ROR1: variants seen among roughly 807,000 people sequenced by gnomAD.
ROR1 encodes the protein inactive tyrosine-protein kinase transmembrane receptor ROR1.
Under a neutral mutation model 78.8 loss-of-function variants are expected in ROR1, and 19 were observed. That is an observed-to-expected ratio of 0.24 (90% CI 0.17 to 0.35). ROR1 has a LOEUF of 0.35. ROR1 is among the 10% of genes least tolerant of loss of function. ROR1 has a pLI of 1.00. For missense variants in ROR1, 917 were observed against 1,177.8 expected, an observed-to-expected ratio of 0.78 and a Z score of 3.24; for synonymous variants, 386 against 433.6, an observed-to-expected ratio of 0.89 and a Z score of 1.36.
At chr1:63,964,906 G>C (rs1646061058) in intron 1 of ROR1, among the ~76,000 whole-genome samples, 1 of 152,176 alleles carries the variant, frequency 6.6e-6, no homozygotes, top group African/African-American at 2.4e-5. Context: ...TTTCTAAGCT[G>C]GGCCTTAAGA....
chr1:64,162,495 G>A (rs1022486177), intron 8 of ROR1, among the ~76,000 whole-genome samples: 2 of 152,190 alleles, frequency 1.3e-5, no homozygotes, highest in Non-Finnish European at 2.9e-5. Flanking sequence ...GGAAGCCAGT[G>A]GACCAGAGAG....
At chr1:63,824,598 A>G (rs1439706054) in intron 1 of ROR1, among the ~76,000 whole-genome samples, 1 of 152,186 alleles carries the variant, frequency 6.6e-6, no homozygotes, top group Non-Finnish European at 1.5e-5. Context: ...CAAATTTGCT[A>G]CAAACAACCC....
At chr1:63,783,187 G>A (rs1346652531) in intron 1 of ROR1, among the ~76,000 whole-genome samples, 1 of 152,122 alleles carries the variant, frequency 6.6e-6, no homozygotes, top group Non-Finnish European at 1.5e-5. Flanking sequence ...GAAGCCTGTT[G>A]TGTTTTTAGC....
chr1:63,922,396 A>G (rs998918792), intron 1 of ROR1, among the ~76,000 whole-genome samples: 2 of 152,128 alleles, frequency 1.3e-5, no homozygotes, highest in African/African-American at 4.8e-5. Flanking sequence ...AAAACACGTG[A>G]TTCTCTCCTT....
intron 2 of ROR1, among the ~76,000 whole-genome samples, chr1:64,010,734 A>G (rs1310399362): frequency 1.3e-5 from 2 of 152,178 alleles, no homozygotes; most frequent in African/African-American, 2.4e-5. Context: ...TAATTGAATC[A>G]TGAGGGTGGT....
chr1:64,156,906 G>A (rs1234807020), intron 7 of ROR1, among the ~76,000 whole-genome samples: 2 of 152,074 alleles, frequency 1.3e-5, no homozygotes, highest in Non-Finnish European at 2.9e-5. Context: ...CAAAAAGCAA[G>A]ACCGACGATG....
At chr1:63,910,049 T>A (rs7556316) in intron 1 of ROR1, among the ~76,000 whole-genome samples, 22,512 of 152,208 alleles carry the variant, frequency 0.15, 2,171 homozygotes, top group African/African-American at 0.26. Flanking sequence ...GCACTTAATC[T>A]ATTATATAAT....
chr1:63,921,114 T>C (rs1457854647), intron 1 of ROR1, among the ~76,000 whole-genome samples: 16 of 152,194 alleles, frequency 1.1e-4, no homozygotes, highest in Admixed American at 9.8e-4. Flanking sequence ...GACACCATGA[T>C]TAAAGGACAA....
chr1:64,140,459 C>CT, intron 6 of ROR1, 33 bp downstream of exon 6: 1 of 1,594,604 alleles, frequency 6.3e-7, no homozygotes, highest in South Asian at 1.1e-5. Context: ...CTGTGCTCTT[C>CT]TAAGGGTCAG....
chr1:63,880,539 T>C (rs1645315501), intron 1 of ROR1, among the ~76,000 whole-genome samples: 1 of 152,202 alleles, frequency 6.6e-6, no homozygotes, highest in Non-Finnish European at 1.5e-5. Flanking sequence ...CCCCGATGGC[T>C]GAACCCAAAG....
At chr1:64,125,634 C>G (rs923238764) in intron 4 of ROR1, among the ~76,000 whole-genome samples, 4 of 152,092 alleles carry the variant, frequency 2.6e-5, no homozygotes, top group Admixed American at 6.6e-5. Context: ...GAGCCATGAG[C>G]CTGCCTTGGA....
intron 7 of ROR1, among the ~76,000 whole-genome samples, chr1:64,158,732 C>T (rs1312742349): frequency 6.6e-6 from 1 of 152,178 alleles, no homozygotes; most frequent in Admixed American, 6.5e-5. Flanking sequence ...GACCCACACA[C>T]GTACAAAGTC....
At chr1:64,066,374 GT>G (rs1646956258) in intron 4 of ROR1, among the ~76,000 whole-genome samples, 1 of 149,788 alleles carries the variant, frequency 6.7e-6, no homozygotes, top group Non-Finnish European at 1.5e-5. Context: ...CTGGAGTGCA[GT>G]GGCGCCATCT....
At chr1:64,047,739 T>C (rs1646796067) in intron 2 of ROR1, among the ~76,000 whole-genome samples, 1 of 152,222 alleles carries the variant, frequency 6.6e-6, no homozygotes, top group Non-Finnish European at 1.5e-5. Flanking sequence ...CTTATATCCA[T>C]GAGCAAACAC....
At chr1:63,804,594 C>G (rs1440517505) in intron 1 of ROR1, among the ~76,000 whole-genome samples, 2 of 151,842 alleles carry the variant, frequency 1.3e-5, no homozygotes, top group African/African-American at 2.4e-5. Flanking sequence ...GTTCAGGGAC[C>G]CTTTTAATTT....
intron 1 of ROR1, among the ~76,000 whole-genome samples, chr1:63,822,566 T>C (rs972602827): frequency 2.6e-5 from 4 of 152,226 alleles, no homozygotes; most frequent in Non-Finnish European, 4.4e-5. Context: ...AGAAACTTTT[T>C]CCATGTAAAT....
chr1:63,916,726 C>T (rs1372215670), intron 1 of ROR1, among the ~76,000 whole-genome samples: 2 of 152,154 alleles, frequency 1.3e-5, no homozygotes, highest in Admixed American at 1.3e-4. Context: ...TCTGAGACTC[C>T]TTGGCTATTG....
At chr1:63,878,135 G>A (rs540641969) in intron 1 of ROR1, among the ~76,000 whole-genome samples, 27 of 152,128 alleles carry the variant, frequency 1.8e-4, no homozygotes, top group Non-Finnish European at 3.7e-4. Flanking sequence ...TGGGCAGATG[G>A]TGTGGCCTTG....
intron 7 of ROR1, among the ~76,000 whole-genome samples, chr1:64,149,241 A>G (rs112149876): frequency 0.014 from 2,200 of 152,298 alleles, 27 homozygotes; most frequent in Non-Finnish European, 0.021. Context: ...CCATTTTCCT[A>G]AAGGAAAAAC....
Sources: gnomAD v4.1 joint callset for allele counts (sites outside exome capture counted in the v4.1 genomes callset) on GRCh38, gnomAD v4.1.1 for gene constraint, MANE v1.5 for transcripts, NCBI Gene and HGNC (gene_info 2026-07-23, HGNC 2026-07-21) for gene names.